The following SLC44A5 variants were observed in gnomAD, a reference collection of about 807,000 sequenced individuals.
SLC44A5 encodes the protein choline transporter-like protein 5.
A neutral mutation model predicts 101.8 loss-of-function variants in SLC44A5; 57 were observed. The ratio of observed to expected loss-of-function variants is 0.56; its 90% CI spans 0.45 to 0.70. The LOEUF is 0.70. SLC44A5 is among the 30% of genes least tolerant of loss of function. The probability of loss-of-function intolerance (pLI) is 0.00; values close to 1 mark genes in which losing one functional copy is unlikely to be tolerated. For synonymous variants in SLC44A5, 281 were observed against 290.9 expected (o/e 0.97, Z 0.35); for missense variants, 737 against 853.1 (o/e 0.86, Z 1.70).
intron 2 of SLC44A5, among the ~76,000 whole-genome samples, chr1:75,406,140 C>A (rs1383868245): frequency 6.6e-6 from 1 of 152,104 alleles, no homozygotes; most frequent in South Asian, 2.1e-4. Flanking sequence ...TGGACACATA[C>A]AACCTCCCAA....
intron 5 of SLC44A5, among the ~76,000 whole-genome samples, chr1:75,299,461 C>A (rs1335385075): frequency 1.3e-5 from 2 of 152,108 alleles, no homozygotes; most frequent in Admixed American, 1.3e-4. Context: ...TTTCATTGTT[C>A]TCCAGTTAGG....
rs944455371 is a variant in SLC44A5 at position 75,285,678 on chromosome 1, G to A, written c.176-10636C>T. 5.3e-5 allele frequency among the ~76,000 whole-genome samples: 8 copies of A among 151,754 alleles called. No individual in the cohort carries two copies. The East Asian group carries it at 9.6e-4, about 18-fold the overall frequency. Reference sequence around the variant, plus strand: ...TTCATTAGGTTGTGTCACTATTTTCGTACAGTTCAAATAATTTTTTAAATT... The same window carrying A: ...TTCATTAGGTTGTGTCACTATTTTCATACAGTTCAAATAATTTTTTAAATT... On this transcript the variant is annotated intron_variant, in intron 5 of 23. Coordinates refer to ENST00000370859, the MANE Select transcript of SLC44A5 (RefSeq NM_001130058.2).
At chr1:75,639,080 T>A in the SLC44A5 span, among the ~76,000 whole-genome samples, 1 of 152,008 alleles carries the variant, frequency 6.6e-6, no homozygotes, top group Non-Finnish European at 1.5e-5. Flanking sequence ...AAGATGTTGG[T>A]CAAAGGATAT....
At chr1:75,392,427 G>T (rs1455672861) in intron 3 of SLC44A5, among the ~76,000 whole-genome samples, 1 of 152,110 alleles carries the variant, frequency 6.6e-6, no homozygotes, top group African/African-American at 2.4e-5. Context: ...CATCATCAGA[G>T]AAATGCAAAT....
At chr1:75,585,343 T>C (rs1390182038) in intron 1 of SLC44A5, among the ~76,000 whole-genome samples, 1 of 152,202 alleles carries the variant, frequency 6.6e-6, no homozygotes, top group African/African-American at 2.4e-5. Context: ...CCAGTAAGTA[T>C]TTGCTGAATA....
At chr1:75,386,561 A>G (rs1044870841) in intron 3 of SLC44A5, among the ~76,000 whole-genome samples, 7 of 152,222 alleles carry the variant, frequency 4.6e-5, no homozygotes, top group African/African-American at 1.4e-4. Flanking sequence ...AATAAAAGAG[A>G]ATACAAACAA....
intron 2 of SLC44A5, among the ~76,000 whole-genome samples, chr1:75,462,458 A>T (rs1325807843): frequency 1.3e-5 from 2 of 152,066 alleles, no homozygotes; most frequent in Non-Finnish European, 2.9e-5. Flanking sequence ...TAAATACTTA[A>T]CTCTTCAATG....
At chr1:75,303,928 C>T (rs1654706415) in intron 4 of SLC44A5, among the ~76,000 whole-genome samples, 2 of 152,144 alleles carry the variant, frequency 1.3e-5, no homozygotes, top group South Asian at 4.2e-4. Context: ...AGGTTGTGCA[C>T]ATGTACCCTA....
At chr1:75,671,954 C>T in the SLC44A5 span, among the ~76,000 whole-genome samples, 2 of 152,154 alleles carry the variant, frequency 1.3e-5, no homozygotes, top group East Asian at 3.8e-4. Context: ...TTACATCATA[C>T]AGAAAGTTCC....
At chr1:75,471,744 C>T (rs10874305) in intron 2 of SLC44A5, among the ~76,000 whole-genome samples, 40,324 of 151,696 alleles carry the variant, frequency 0.27, 6,298 homozygotes, top group East Asian at 0.8. Context: ...AGTCTCTAAA[C>T]CCTTTGTGTA....
At chr1:75,476,417 C>T (rs552538558) in intron 2 of SLC44A5, among the ~76,000 whole-genome samples, 11 of 152,160 alleles carry the variant, frequency 7.2e-5, no homozygotes, top group Middle Eastern at 3.4e-3. Flanking sequence ...GTGGGTGCAG[C>T]GCACCGTGCA....
At chr1:75,329,316 T>C (rs61798678) in intron 4 of SLC44A5, among the ~76,000 whole-genome samples, 2,542 of 152,258 alleles carry the variant, frequency 0.017, 35 homozygotes, top group Middle Eastern at 0.048. Context: ...TCTCAGCATC[T>C]GACCCCAAGA....
chr1:75,209,457 G>A (rs10493561), intron 23 of SLC44A5, among the ~76,000 whole-genome samples: 17,895 of 152,122 alleles, frequency 0.12, 1,272 homozygotes, highest in Middle Eastern at 0.21. Flanking sequence ...GACCTTACTC[G>A]TGCTCCTTCT....
At chr1:75,206,573 T>C in intron 23 of SLC44A5, 1 of 1,323,128 alleles carries the variant, frequency 7.6e-7, no homozygotes, top group East Asian at 2.3e-5. Flanking sequence ...ACACAACTTC[T>C]ACTTAAAAAT....
the SLC44A5 span, among the ~76,000 whole-genome samples, chr1:75,629,991 TC>T: frequency 6.6e-6 from 1 of 152,182 alleles, no homozygotes; most frequent in Non-Finnish European, 1.5e-5. Context: ...AATTTAAATT[TC>T]TTCTATCCCC....
chr1:75,717,044 T>C, the SLC44A5 span, among the ~76,000 whole-genome samples: 18,140 of 147,824 alleles, frequency 0.12, 2,675 homozygotes, highest in African/African-American at 0.36. Flanking sequence ...CAAAAAAAAA[T>C]AAAATAAAAA....
intron 2 of SLC44A5, among the ~76,000 whole-genome samples, chr1:75,409,584 T>C (rs1349888917): frequency 1.3e-5 from 2 of 152,074 alleles, no homozygotes; most frequent in Non-Finnish European, 2.9e-5. Context: ...GAGAATAATA[T>C]TTAGAGAGTT....
intron 2 of SLC44A5, among the ~76,000 whole-genome samples, chr1:75,425,166 AAG>A (rs1217091806): frequency 6.6e-6 from 1 of 152,222 alleles, no homozygotes; most frequent in Non-Finnish European, 1.5e-5. Flanking sequence ...AAGGTGAAAC[AAG>A]AGGTACAGCA....
intron 2 of SLC44A5, among the ~76,000 whole-genome samples, chr1:75,516,286 G>A (rs1398464645): frequency 6.6e-6 from 1 of 152,224 alleles, no homozygotes; most frequent in African/African-American, 2.4e-5. Flanking sequence ...AGGCCCAGGC[G>A]GGTGGATCAC....
Sources: allele counts gnomAD v4.1 joint callset (sites outside exome capture counted in the v4.1 genomes callset), GRCh38; gene constraint gnomAD v4.1.1; transcripts MANE v1.5; gene names NCBI Gene and HGNC (gene_info 2026-07-23, HGNC 2026-07-21).